CAMTA1: variants seen among roughly 807,000 people sequenced by gnomAD.
CAMTA1 encodes calmodulin binding transcription activator 1.
A neutral mutation model predicts 170.9 loss-of-function variants in CAMTA1; 27 were observed. That is an observed-to-expected ratio of 0.16 (90% CI 0.12 to 0.22). The LOEUF (loss-of-function observed/expected upper bound fraction) is 0.22. Among genes scored for constraint, CAMTA1 ranks in the 10% least tolerant of loss-of-function variants. The pLI, the probability that CAMTA1 is intolerant of heterozygous loss-of-function variation, is 1.00. For synonymous variants in CAMTA1, 833 were observed against 891.5 expected (o/e 0.93, Z 1.17); for missense variants, 1,619 against 2,217.2 (o/e 0.73, Z 5.42).
chr1:6,998,685 C>T (rs1056691524), intron 3 of CAMTA1, among the ~76,000 whole-genome samples: 2 of 152,358 alleles, frequency 1.3e-5, no homozygotes, highest in Admixed American at 1.3e-4. Flanking sequence ...CTCTTTTGTC[C>T]TGTAACATAT....
rs1638934286 is a variant in CAMTA1 at position 7,073,678 on chromosome 1, A to C, written c.235-17626A>C. 2.6e-5 allele frequency among the ~76,000 whole-genome samples: 4 copies of C among 152,338 alleles called. No homozygotes were observed. In the South Asian group the frequency reaches 8.3e-4, roughly 32 times the overall value. On this transcript the variant is annotated intron_variant, in intron 3 of 22. Transcript: ENST00000303635. ...AGATGCTGGTAGGGCAAGTAAAATT[A>C]AGATTAAGAATTTGCCATGGGCTTT...
chr1:7,124,879 A>G (rs1037359844), intron 4 of CAMTA1, among the ~76,000 whole-genome samples: 2 of 152,134 alleles, frequency 1.3e-5, no homozygotes, highest in African/African-American at 4.8e-5. Context: ...GATAAATACC[A>G]TTTTATTCGT....
chr1:6,786,108 G>A (rs1639223790), intron 1 of CAMTA1, among the ~76,000 whole-genome samples: 2 of 151,884 alleles, frequency 1.3e-5, no homozygotes, highest in African/African-American at 2.4e-5. Flanking sequence ...GGCGGGCAGG[G>A]CCAGATGTAC....
At chr1:6,788,053 C>T (rs981866054) in intron 1 of CAMTA1, among the ~76,000 whole-genome samples, 1 of 152,158 alleles carries the variant, frequency 6.6e-6, no homozygotes, top group African/African-American at 2.4e-5. Flanking sequence ...AGGCCCTCGA[C>T]GCTTCATGAG....
rs371859161 is a variant in CAMTA1 at position 7,364,577 on chromosome 1, C to A, written c.439-103253C>A. Reference sequence around the variant, plus strand: ...ATCAGACCTATGAGTGCATGGTGGTCATTACAGCTTCAACCTATGCTAGAA... The same window carrying A: ...ATCAGACCTATGAGTGCATGGTGGTAATTACAGCTTCAACCTATGCTAGAA... On this transcript the variant is annotated intron_variant, in intron 5 of 22. Transcript: ENST00000303635. 3.7e-4 allele frequency among the ~76,000 whole-genome samples: 56 copies of A among 152,140 alleles called. 1 individual carries two copies. The highest frequency in any genetic ancestry group is 1.3e-3 in the African/African-American group (54 of 41,510).
At position 7,234,153 on chromosome 1, in the gene CAMTA1, T is replaced by C. The variant is rs1663372684; in HGVS notation, c.303-15338T>C. ...GTTCAGGAGCCCAGATTACTTGGGGTGAGCCGCTCTCTCGCCCCGTCTCCT... is the reference window on the plus strand; with the variant it reads ...GTTCAGGAGCCCAGATTACTTGGGGCGAGCCGCTCTCTCGCCCCGTCTCCT... On this transcript the variant is annotated intron_variant, in intron 4 of 22. Coordinates refer to ENST00000303635, the MANE Select transcript of CAMTA1 (RefSeq NM_015215.4). This position sits in a 1 kb window ranked among gnomAD's most constrained non-coding sequence, Gnocchi z 5.0. Among the ~76,000 whole-genome samples the C allele has an allele frequency of 6.6e-6, 1 of 152,124 alleles. No individual in the cohort carries two copies. The highest frequency in any genetic ancestry group is 1.5e-5 in the Non-Finnish European group (1 of 68,024).
At chr1:7,551,143 G>A (rs1243477436) in intron 6 of CAMTA1, among the ~76,000 whole-genome samples, 1 of 152,114 alleles carries the variant, frequency 6.6e-6, no homozygotes, top group Non-Finnish European at 1.5e-5. Context: ...AGTCCCTCCT[G>A]GTCTCCACCC....
chr1:7,039,702 A>G (rs959186905), intron 3 of CAMTA1, among the ~76,000 whole-genome samples: 4 of 152,224 alleles, frequency 2.6e-5, no homozygotes, highest in African/African-American at 9.6e-5. Flanking sequence ...TGAGGCGCTT[A>G]GATTTGTTGC....
At chr1:7,612,514 G>A (rs754622378) in intron 6 of CAMTA1, among the ~76,000 whole-genome samples, 4 of 152,192 alleles carry the variant, frequency 2.6e-5, no homozygotes, top group East Asian at 1.9e-4. Context: ...ACATTTGGGC[G>A]CAGAAACAGG....
chr1:6,846,198 A>G (rs1658064097), intron 3 of CAMTA1, among the ~76,000 whole-genome samples: 2 of 152,192 alleles, frequency 1.3e-5, no homozygotes, highest in African/African-American at 4.8e-5. Flanking sequence ...CTCACTTTTC[A>G]CCATGTATAT....
chr1:7,276,303 A>ATATATATATTTTTTTTTTTTT, intron 5 of CAMTA1, among the ~76,000 whole-genome samples: 3 of 24,232 alleles, frequency 1.2e-4, no homozygotes, highest in East Asian at 1.5e-3. Flanking sequence ...ATATATATAT[A>ATATATATATTTTTTTTTTTTT]TTTTTTTTTT....
intron 3 of CAMTA1, among the ~76,000 whole-genome samples, chr1:6,931,278 A>G (rs1164465597): frequency 6.6e-6 from 1 of 152,190 alleles, no homozygotes; most frequent in Non-Finnish European, 1.5e-5. Flanking sequence ...TTACTTAAAA[A>G]TCTTAATTTT....
chr1:7,104,979 T>G (rs920883970), intron 4 of CAMTA1, among the ~76,000 whole-genome samples: 2 of 152,220 alleles, frequency 1.3e-5, no homozygotes, highest in Non-Finnish European at 2.9e-5. Flanking sequence ...CTGCTCCTTC[T>G]AGAAAAATTC....
intron 6 of CAMTA1, among the ~76,000 whole-genome samples, chr1:7,471,638 G>A (rs2093332214): frequency 6.6e-6 from 1 of 152,274 alleles, no homozygotes; most frequent in South Asian, 2.1e-4. Context: ...CAGGGGAGGA[G>A]CAGGCAGTGC....
At chr1:7,722,223 T>C (rs1334857692) in intron 11 of CAMTA1, among the ~76,000 whole-genome samples, 7 of 152,326 alleles carry the variant, frequency 4.6e-5, no homozygotes, top group Middle Eastern at 3.4e-3. Context: ...TCTGATTTCA[T>C]GAAATTGTCT....
In CAMTA1 at chr1:7,325,854, G is replaced by T. The variant is rs755141353; in HGVS notation, c.438+76228G>T. On this transcript the variant is annotated intron_variant, in intron 5 of 22. Coordinates refer to ENST00000303635, the MANE Select transcript of CAMTA1 (RefSeq NM_015215.4). This position sits in a 1 kb window ranked among gnomAD's most constrained non-coding sequence, Gnocchi z 5.0. Reference sequence around the variant, plus strand: ...TGGTTTGTTGTTGGTGGGTTTTTTTGTTTGTTTGTTTGTTTGTTTTATGAG... The same window carrying T: ...TGGTTTGTTGTTGGTGGGTTTTTTTTTTTGTTTGTTTGTTTGTTTTATGAG... Among the ~76,000 whole-genome samples the T allele has an allele frequency of 2.0e-4, 22 of 108,270 alleles. No individual in the cohort carries two copies. Among genetic ancestry groups the T allele is most frequent in the South Asian group, 2.8e-4 (1 of 3,520 alleles). 71.0% of individuals were successfully genotyped at this position (108,270 alleles called of 152,430 possible).
chr1:7,083,865 T>C (rs1380758084), intron 3 of CAMTA1, among the ~76,000 whole-genome samples: 1 of 152,028 alleles, frequency 6.6e-6, no homozygotes, highest in African/African-American at 2.4e-5. Flanking sequence ...ACCAAGAGGA[T>C]TGGAAACAAG....
At chr1:6,888,017 T>G in intron 3 of CAMTA1, 3 of 1,131,650 alleles carry the variant, frequency 2.7e-6, no homozygotes, top group Non-Finnish European at 3.3e-6. Flanking sequence ...CTCTGTCCCC[T>G]CAGCAAGCTG....
At chr1:7,125,024 C>T (rs1043350472) in intron 4 of CAMTA1, among the ~76,000 whole-genome samples, 13 of 152,068 alleles carry the variant, frequency 8.5e-5, no homozygotes, top group African/African-American at 2.9e-4. Flanking sequence ...CAGGGAGCTC[C>T]GAGCCTGGTT....
Sources: allele counts gnomAD v4.1 joint callset (sites outside exome capture counted in the v4.1 genomes callset), GRCh38; gene constraint gnomAD v4.1.1; non-coding constraint Gnocchi (gnomAD v3.1); transcripts MANE v1.5; gene names NCBI Gene and HGNC (gene_info 2026-07-23, HGNC 2026-07-21).